RPH3A: variants seen among roughly 807,000 people sequenced by gnomAD.
RPH3A encodes the protein rabphilin 3A, also known as rabphilin-3A.
A neutral mutation model predicts 102.2 loss-of-function variants in RPH3A; 48 were observed. The observed-to-expected ratio is 0.47, with a 90% CI of 0.37 to 0.60. The LOEUF is 0.60. RPH3A is among the 20% of genes least tolerant of loss of function. The pLI, the probability that RPH3A is intolerant of heterozygous loss-of-function variation, is 0.00. For synonymous variants in RPH3A, 310 were observed against 324.3 expected (o/e 0.96, Z 0.47); for missense variants, 781 against 910.1 (o/e 0.86, Z 1.83).
At chr12:112,740,269 A>G (rs1252969240) in intron 1 of RPH3A, among the ~76,000 whole-genome samples, 1 of 152,200 alleles carries the variant, frequency 6.6e-6, no homozygotes, top group African/African-American at 2.4e-5. Context: ...TATAATAAAA[A>G]GTTTTCCCAG....
intron 1 of RPH3A, among the ~76,000 whole-genome samples, chr12:112,677,628 C>G (rs1052817319): frequency 6.6e-6 from 1 of 151,606 alleles, no homozygotes; most frequent in East Asian, 1.9e-4. Flanking sequence ...TGGATGACCT[C>G]GAATAGGTTG....
At chr12:112,647,601 G>A (rs536260576) in intron 1 of RPH3A, among the ~76,000 whole-genome samples, 17 of 135,108 alleles carry the variant, frequency 1.3e-4, no homozygotes, top group Admixed American at 3.0e-4. Flanking sequence ...GTGTGTGTGT[G>A]TGTATGTGTG....
chr12:112,787,869 G>A (rs569892819), upstream of RPH3A, among the ~76,000 whole-genome samples: 44 of 152,370 alleles, frequency 2.9e-4, 1 homozygote, highest in Admixed American at 2.6e-3. Flanking sequence ...TCTTTGGGGT[G>A]ATGGAAAGTC....
intron 1 of RPH3A, among the ~76,000 whole-genome samples, chr12:112,633,669 A>G (rs1459955607): frequency 6.6e-6 from 1 of 152,232 alleles, no homozygotes; most frequent in Non-Finnish European, 1.5e-5. Flanking sequence ...AAATTTCTTT[A>G]TACATCACCT....
At chr12:112,595,861 G>T (rs992343475) in intron 1 of RPH3A, among the ~76,000 whole-genome samples, 12 of 152,238 alleles carry the variant, frequency 7.9e-5, no homozygotes, top group African/African-American at 2.6e-4. Context: ...AACTGAGAAT[G>T]AAATTTGGAA....
intron 19 of RPH3A, among the ~76,000 whole-genome samples, chr12:112,891,345 C>T (rs1425208484): frequency 6.6e-6 from 1 of 152,152 alleles, no homozygotes; most frequent in Non-Finnish European, 1.5e-5. Flanking sequence ...CAGACCTCCA[C>T]CACCAAAGAG....
intron 2 of RPH3A, among the ~76,000 whole-genome samples, chr12:112,806,966 G>C (rs2041478070): frequency 6.6e-6 from 1 of 150,574 alleles, no homozygotes; most frequent in South Asian, 2.1e-4. Context: ...TGAGTAAAGA[G>C]AGGAGAAAAA....
chr12:112,793,205 A>C (rs2041158418), intron 2 of RPH3A, among the ~76,000 whole-genome samples: 1 of 152,234 alleles, frequency 6.6e-6, no homozygotes, highest in African/African-American at 2.4e-5. Flanking sequence ...CCAAAAGCTC[A>C]CATTTAATTT....
intron 1 of RPH3A, among the ~76,000 whole-genome samples, chr12:112,779,275 G>A (rs907670466): frequency 3.3e-5 from 5 of 152,150 alleles, no homozygotes; most frequent in South Asian, 2.1e-4. Flanking sequence ...GCAAGGTGTC[G>A]AGGAGTCCTC....
intron 1 of RPH3A, among the ~76,000 whole-genome samples, chr12:112,694,741 C>G (rs1406241700): frequency 6.6e-6 from 1 of 152,084 alleles, no homozygotes; most frequent in Non-Finnish European, 1.5e-5. Flanking sequence ...CCATGAAGCT[C>G]TCTTAGATAA....
chr12:112,841,698 G>GTTTTGT (rs2042148049), intron 4 of RPH3A, among the ~76,000 whole-genome samples: 2 of 112,850 alleles, frequency 1.8e-5, no homozygotes, highest in African/African-American at 7.4e-5. Context: ...AGTTTTTTTT[G>GTTTTGT]TTTTTTTGGT....
intron 1 of RPH3A, among the ~76,000 whole-genome samples, chr12:112,583,768 T>C (rs1373417855): frequency 6.6e-6 from 1 of 152,138 alleles, no homozygotes; most frequent in East Asian, 1.9e-4. Context: ...GTGGATCACT[T>C]GAGGTCAGGA....
intron 3 of RPH3A, among the ~76,000 whole-genome samples, chr12:112,832,623 C>T (rs1000819361): frequency 6.6e-6 from 1 of 152,182 alleles, no homozygotes; most frequent in Non-Finnish European, 1.5e-5. Flanking sequence ...AGGAGTATCA[C>T]TTAAGGCCAG....
chr12:112,673,029 C>G (rs529406649), intron 1 of RPH3A, among the ~76,000 whole-genome samples: 1 of 152,130 alleles, frequency 6.6e-6, no homozygotes, highest in South Asian at 2.1e-4. Context: ...CTTGAGTTTC[C>G]CAGCAGGAGT....
At chr12:112,726,378 G>A (rs1462785947) in intron 1 of RPH3A, among the ~76,000 whole-genome samples, 1 of 152,204 alleles carries the variant, frequency 6.6e-6, no homozygotes, top group South Asian at 2.1e-4. Flanking sequence ...GCCTCCCAAA[G>A]TGCTGGGATT....
At chr12:112,862,609 G>A (rs994876783) in intron 5 of RPH3A, among the ~76,000 whole-genome samples, 3 of 150,612 alleles carry the variant, frequency 2.0e-5, no homozygotes, top group African/African-American at 4.9e-5. Flanking sequence ...TGGGTGGGGG[G>A]AAAATGAGGA....
intron 1 of RPH3A, among the ~76,000 whole-genome samples, chr12:112,780,618 G>A (rs191512646): frequency 2.6e-5 from 4 of 152,102 alleles, no homozygotes; most frequent in Non-Finnish European, 5.9e-5. Flanking sequence ...TTGAACACAT[G>A]CTATTTGCTG....
At chr12:112,644,156 T>C (rs544958603) in intron 1 of RPH3A, among the ~76,000 whole-genome samples, 8 of 152,244 alleles carry the variant, frequency 5.3e-5, no homozygotes, top group Non-Finnish European at 1.5e-5. Flanking sequence ...GGTGGGAGTG[T>C]GGAAGGGAGC....
At chr12:112,833,551 A>G (rs954416170) in intron 3 of RPH3A, among the ~76,000 whole-genome samples, 11 of 73,460 alleles carry the variant, frequency 1.5e-4, no homozygotes, top group Non-Finnish European at 2.3e-4. Context: ...TCATCCAGAA[A>G]CACTTTAGCC....
Sources: allele counts gnomAD v4.1 joint callset (sites outside exome capture counted in the v4.1 genomes callset), GRCh38; gene constraint gnomAD v4.1.1; transcripts MANE v1.5; gene names NCBI Gene and HGNC (gene_info 2026-07-23, HGNC 2026-07-21).